Variants in SMC3 observed in about 807,000 individuals in gnomAD.
SMC3 encodes the protein structural maintenance of chromosomes protein 3.
A neutral mutation model predicts 171.8 loss-of-function variants in SMC3; 20 were observed. That is an observed-to-expected ratio of 0.12 (90% confidence interval 0.08 to 0.17). The LOEUF (loss-of-function observed/expected upper bound fraction) is 0.17. Among genes scored for constraint, SMC3 ranks in the 10% least tolerant of loss-of-function variants. SMC3 has a pLI of 1.00. For missense variants in SMC3, 543 were observed against 1,420.4 expected (o/e 0.38, Z 9.93); for synonymous variants, 464 against 451.1 (o/e 1.03, Z -0.36).
intron 3 of SMC3, 131 bp from the exon 4 acceptor site, chr10:110,575,205 C>T: frequency 1.4e-6 from 1 of 692,878 alleles, no homozygotes; most frequent in Non-Finnish European, 2.6e-6. Context: ...TTCCTTTTGT[C>T]CATATGAAAC....
chr10:110,600,531 G>C lies in SMC3; in HGVS notation c.2520G>C (p.Leu840Phe), dbSNP rs751984826. The C allele has an allele frequency of 1.3e-6, 2 of 1,565,218 alleles. No individual in the cohort carries two copies. The highest frequency in any genetic ancestry group is 1.1e-5 in the South Asian group (1 of 90,104). Residue 840 changes from leucine (L) to phenylalanine (F), a missense_variant, in exon 22 of 29, where the codon TTG becomes TTC. This residue lies in a region of SMC3 where 33 missense variants were observed against 33.6 expected (regional missense o/e 0.98). Transcript: ENST00000361804. ...TCAATGAGAATCTGAGAAAACGCTT[G>C]GACCAAGTAGAACAGGTGTGTATGT... Reference protein sequence around the residue: ...TYLNENLRKRLDQVEQELNEL... With the variant: ...TYLNENLRKRFDQVEQELNEL...
At chr10:110,572,985 G>A (rs1329883066) in intron 2 of SMC3, among the ~76,000 whole-genome samples, 1 of 151,960 alleles carries the variant, frequency 6.6e-6, no homozygotes, top group Non-Finnish European at 1.5e-5. Flanking sequence ...TGTCATATGC[G>A]TTTTTTTAAA....
At position 110,600,015 on chromosome 10, in the gene SMC3, C is replaced by CA. The variant is rs11374614; in HGVS notation, c.2427+204dup. On this transcript the variant is annotated intron_variant, in intron 21 of 28. Transcript: ENST00000361804. ...AGGTTAGGATTATACAAGAAATTTT[C>CA]ATTTCCTTAAAATTTAGTTAATTAG... 0.053 allele frequency among the ~76,000 whole-genome samples: 8,015 copies of CA among 152,218 alleles called. 685 individuals are homozygous for CA. The highest frequency in any genetic ancestry group is 0.18 in the African/African-American group (7,424 of 41,502).
chr10:110,572,489 T>C (rs745640442), intron 2 of SMC3, among the ~76,000 whole-genome samples: 3 of 152,208 alleles, frequency 2.0e-5, no homozygotes, highest in Non-Finnish European at 4.4e-5. Context: ...ATTGTTATTT[T>C]TGAGAATTAA....
chr10:110,580,526 T>G (rs964146674), intron 7 of SMC3, among the ~76,000 whole-genome samples: 7 of 152,226 alleles, frequency 4.6e-5, no homozygotes, highest in Non-Finnish European at 8.8e-5. Flanking sequence ...GACATAGATA[T>G]GTAGGCATGC....
At chr10:110,583,209 A>G (rs1261143877) in intron 10 of SMC3, among the ~76,000 whole-genome samples, 175 bp from the exon 11 acceptor site, 1 of 152,074 alleles carries the variant, frequency 6.6e-6, no homozygotes, top group African/African-American at 2.4e-5. Flanking sequence ...GTTTTTGACC[A>G]TAGTAAACCC....
At chr10:110,600,397 G>A (rs367786666) in intron 21 of SMC3, 42 bp from the exon 22 acceptor site, 1 of 954,770 alleles carries the variant, frequency 1.0e-6, no homozygotes, top group African/African-American at 1.6e-5. Flanking sequence ...TCCTGTGTGT[G>A]AAATGTACAT....
In SMC3 at chr10:110,601,680, G is replaced by T; in HGVS notation, c.2688G>T (p.Glu896Asp). The T allele has an allele frequency of 6.2e-7, 1 of 1,612,936 alleles. No individual in the cohort carries two copies. Among genetic ancestry groups the T allele is most frequent in the Non-Finnish European group, 8.5e-7 (1 of 1,179,664 alleles). The stretch of plus-strand genomic sequence containing the variant: ...ATAAAACAGAAGCTGGAATTAAGGA[G>T]CTTCAGAAGAGTATGGAGCGCTGGA... ...SIDKTEAGIK[E>D]LQKSMERWKN... The change falls in exon 24 of 29, where the codon GAG becomes GAT. Residue 896 changes from glutamate (E) to aspartate (D), a missense_variant. Physicochemically the swap from Glu to Asp is conservative, Grantham distance 45. This residue lies in a region of SMC3 where 81 missense variants were observed against 184.2 expected (regional missense o/e 0.44). Coordinates refer to ENST00000361804, the MANE Select transcript of SMC3 (RefSeq NM_005445.4).
At chr10:110,575,311 C>CT (rs1564788360) in intron 3 of SMC3, 25 bp from the exon 4 acceptor site, 1 of 1,590,738 alleles carries the variant, frequency 6.3e-7, no homozygotes, top group Non-Finnish European at 8.6e-7. Flanking sequence ...TTAGGGTATA[C>CT]TAATAGTTGT....
chr10:110,594,707 C>A (rs756692024), intron 18 of SMC3, among the ~76,000 whole-genome samples: 4 of 151,770 alleles, frequency 2.6e-5, no homozygotes, highest in Non-Finnish European at 4.4e-5. Context: ...CAGGTAAACC[C>A]ATCTCCCCCC....
Position 110,600,551 on chromosome 10 carries a change from G to A in SMC3, c.2535+5G>A. 7.7e-7 allele frequency: 1 copy of A among 1,302,614 alleles called. No homozygotes were observed. The highest frequency in any genetic ancestry group is 1.1e-6 in the Non-Finnish European group (1 of 900,408). 80.7% of individuals were successfully genotyped at this position (1,302,614 alleles called of 1,614,324 possible). A position where few individuals can be genotyped will look rare whatever the true frequency, so the allele number is the denominator to read the frequency against. On this transcript the variant is annotated splice_donor_5th_base_variant and intron_variant, in intron 22 of 28. Transcript: ENST00000361804. The stretch of plus-strand genomic sequence containing the variant: ...CGCTTGGACCAAGTAGAACAGGTGT[G>A]TATGTGTTTTTTTTTTTTTTTTTAA...
rs557969515 is a variant in SMC3, at chr10:110,568,588, G to C, written c.16-350G>C. On this transcript the variant is annotated intron_variant, in intron 1 of 28. Coordinates refer to ENST00000361804, the MANE Select transcript of SMC3 (RefSeq NM_005445.4). ...GCACTCGGTGGTCTTGGAGTCAGGA[G>C]AGCTGGGGCCCGTCGGCCTGCTTTT... 85 of 273,688 alleles carry C rather than the reference G, an allele frequency of 3.1e-4. 1 individual carries two copies. Among genetic ancestry groups the C allele is most frequent in the Non-Finnish European group, 5.1e-4 (73 of 142,814 alleles). 17.0% of individuals were successfully genotyped at this position (273,688 alleles called of 1,614,324 possible).
intron 13 of SMC3, among the ~76,000 whole-genome samples, chr10:110,587,949 A>G (rs767899764): frequency 1.3e-4 from 20 of 152,222 alleles, no homozygotes; most frequent in Non-Finnish European, 2.6e-4. Context: ...CCTTATGTGT[A>G]GAATTAAAGG....
At chr10:110,590,748 C>T (rs1386322420) in intron 16 of SMC3, among the ~76,000 whole-genome samples, 176 bp downstream of exon 16, 2 of 152,142 alleles carry the variant, frequency 1.3e-5, no homozygotes. Context: ...GAAGCTAGAA[C>T]TTTCCTCTTT....
intron 21 of SMC3, 46 bp downstream of exon 21, chr10:110,599,858 A>AT (rs1554883978): frequency 1.3e-6 from 2 of 1,586,816 alleles, no homozygotes; most frequent in Non-Finnish European, 1.7e-6. Context: ...GTAATTGGCT[A>AT]TTGTGAAAAG....
At chr10:110,582,669 A>G (rs1554882617) in intron 10 of SMC3, 27 bp downstream of exon 10, 1 of 1,551,108 alleles carries the variant, frequency 6.4e-7, no homozygotes, top group South Asian at 1.1e-5. Context: ...GGTTCATGTT[A>G]ACTTACTTTT....
At chr10:110,596,649 T>G in intron 19 of SMC3, 99 bp downstream of exon 19, 1 of 1,175,916 alleles carries the variant, frequency 8.5e-7, no homozygotes, top group Non-Finnish European at 1.2e-6. Flanking sequence ...ATTAAAAATT[T>G]CTTGTGTTTT....
At chr10:110,584,724 C>G (rs1012577533) in intron 13 of SMC3, among the ~76,000 whole-genome samples, 3 of 152,192 alleles carry the variant, frequency 2.0e-5, no homozygotes, top group Non-Finnish European at 4.4e-5. Context: ...CTTCCAGGCT[C>G]AGCGATCCTC....
intron 13 of SMC3, among the ~76,000 whole-genome samples, 163 bp downstream of exon 13, chr10:110,584,559 G>A (rs1327189230): frequency 2.0e-5 from 3 of 148,596 alleles, no homozygotes; most frequent in Non-Finnish European, 3.0e-5. Flanking sequence ...TATACATATA[G>A]TTCTTTTTTA....
Sources: allele counts gnomAD v4.1 joint callset (sites outside exome capture counted in the v4.1 genomes callset), GRCh38; gene constraint gnomAD v4.1.1; regional missense constraint gnomAD v4.1.1; transcripts MANE v1.5; gene names NCBI Gene and HGNC (gene_info 2026-07-23, HGNC 2026-07-21).